Variants in DRAM1 observed in about 807,000 individuals in gnomAD.
DRAM1 encodes the protein DNA damage-regulated autophagy modulator protein 1.
DRAM1 carries 25 observed loss-of-function variants against 28.5 expected under a neutral mutation model. The observed-to-expected ratio is 0.88, with a 90% CI of 0.64 to 1.23. The LOEUF is 1.23. DRAM1 is among the 50% of genes most tolerant of loss of function. The pLI is 0.00. For synonymous variants in DRAM1, 113 were observed against 114.2 expected, an observed-to-expected ratio of 0.99 and a Z score of 0.07; for missense variants, 249 against 299.2, an observed-to-expected ratio of 0.83 and a Z score of 1.24.
chr12:101,895,248 G>A (rs1399766548), intron 1 of DRAM1, among the ~76,000 whole-genome samples: 1 of 122,906 alleles, frequency 8.1e-6, no homozygotes, highest in Non-Finnish European at 1.6e-5. Context: ...CGTGATCTCA[G>A]CTCACTGCAA....
At position 101,921,968 on chromosome 12, in the gene DRAM1, G is replaced by T. The variant is rs7135515; in HGVS notation, c.*708G>T. The T allele has an allele frequency of 0.19, 29,483 of 152,080 alleles. 3,293 individuals carry two copies. The highest frequency in any genetic ancestry group is 0.31 in the African/African-American group (12,703 of 41,442). 9.4% of individuals were successfully genotyped at this position (152,080 alleles called of 1,614,324 possible). On this transcript the variant is annotated 3_prime_UTR_variant, in exon 7 of 7. Transcript: ENST00000258534. ...TGCTCTTGCTGCTAATTGCCCATTC[G>T]TAGTGGGTGTAATGCCAGGTGGAAT...
Position 101,905,494 on chromosome 12 carries a change from T to C in DRAM1, c.343-2692T>C, listed in dbSNP as rs961560904. Among the ~76,000 whole-genome samples the C allele has an allele frequency of 4.6e-5, 7 of 152,116 alleles. No homozygotes were observed. In the East Asian group the frequency reaches 7.7e-4, roughly 17 times the overall value. ...ACAGTGTTTCACCACATTGCCCAGG[T>C]TGGTCTTGAACTCCTGAGCTCAAGT... On this transcript the variant is annotated intron_variant, in intron 3 of 6. Coordinates refer to ENST00000258534, the MANE Select transcript of DRAM1 (RefSeq NM_018370.3).
intron 5 of DRAM1, among the ~76,000 whole-genome samples, chr12:101,918,045 C>T (rs75039247): frequency 0.016 from 2,394 of 152,312 alleles, 59 homozygotes; most frequent in African/African-American, 0.055. Context: ...GTTTTCTATT[C>T]ACTCCATAAA....
At chr12:101,909,176 G>T (rs577185619) in intron 4 of DRAM1, among the ~76,000 whole-genome samples, 1 of 151,864 alleles carries the variant, frequency 6.6e-6, no homozygotes, top group African/African-American at 2.4e-5. Context: ...CAGGAGAATC[G>T]CTTGAACCCG....
At chr12:101,913,259 C>T (rs1425059335) in intron 4 of DRAM1, among the ~76,000 whole-genome samples, 2 of 152,232 alleles carry the variant, frequency 1.3e-5, no homozygotes, top group African/African-American at 4.8e-5. Context: ...TTTGCCAGAT[C>T]TTTGGTCCAG....
chr12:101,915,546 C>CCTT (rs796984340), intron 5 of DRAM1, among the ~76,000 whole-genome samples: 1 of 144,848 alleles, frequency 6.9e-6, no homozygotes, highest in African/African-American at 2.6e-5. Context: ...ACTTTGAAGA[C>CCTT]TTTTTTTTTT....
chr12:101,882,652 A>T (rs1872729688), intron 1 of DRAM1, among the ~76,000 whole-genome samples: 1 of 151,262 alleles, frequency 6.6e-6, no homozygotes, highest in Admixed American at 6.6e-5. Flanking sequence ...GCCAGTTGTG[A>T]TCTAGTGGGT....
chr12:101,917,520 G>A (rs1416836479), intron 5 of DRAM1, among the ~76,000 whole-genome samples: 3 of 143,020 alleles, frequency 2.1e-5, no homozygotes, highest in African/African-American at 7.8e-5. Flanking sequence ...AACCCTGTCT[G>A]TACTAAAAAA....
At position 101,891,447 on chromosome 12, in the gene DRAM1, T is replaced by C. The variant is rs182953527; in HGVS notation, c.132-6416T>C. ...TTTGACCAAGCTTCAGAAAGTCTTC[T>C]ATTATCCAGCATGTTTTCTTTGTAT... is the stretch of plus-strand genomic sequence containing the variant. On this transcript the variant is annotated intron_variant, in intron 1 of 6. Transcript: ENST00000258534. Among the ~76,000 whole-genome samples the C allele has an allele frequency of 3.3e-5, 5 of 152,378 alleles. No homozygotes were observed. In the East Asian group the frequency reaches 9.6e-4, roughly 29 times the overall value.
At chr12:101,908,151 C>T (rs1332225235) in intron 3 of DRAM1, 35 bp from the exon 4 acceptor site, 4 of 1,567,898 alleles carry the variant, frequency 2.6e-6, no homozygotes, top group Middle Eastern at 2.0e-4. Flanking sequence ...GACAAACCCA[C>T]CCAGAGTAAC....
At position 101,914,154 on chromosome 12, in the gene DRAM1, T is replaced by G; in HGVS notation, c.521-20T>G. On this transcript the variant is annotated intron_variant, in intron 4 of 6. Transcript: ENST00000258534. ...GAACTGTTGTGTGCTGTAGTTTCCT[T>G]AACTGTTTACTTCTTTCAGTGATTG... The G allele has an allele frequency of 6.3e-7, 1 of 1,583,400 alleles. No individual in the cohort carries two copies. The highest frequency in any genetic ancestry group is 1.4e-5 in the African/African-American group (1 of 74,016).
intron 3 of DRAM1, among the ~76,000 whole-genome samples, chr12:101,902,267 T>G (rs748091819): frequency 6.6e-6 from 1 of 152,230 alleles, no homozygotes; most frequent in Non-Finnish European, 1.5e-5. Flanking sequence ...CCTTGTAAGA[T>G]AGGCACTATT....
chr12:101,911,230 G>A (rs183131920), intron 4 of DRAM1, among the ~76,000 whole-genome samples: 5 of 152,094 alleles, frequency 3.3e-5, no homozygotes, highest in South Asian at 4.2e-4. Context: ...GTGAGACTCC[G>A]TCTCAAAAAA....
rs1164963155 is a variant in DRAM1, at chr12:101,900,329, G to A, written c.200-962G>A. The stretch of plus-strand genomic sequence containing the variant: ...TGGAATAGAAACACAAAACGCAGAA[G>A]AATTGATAGATATGAGTAGATTAAA... On this transcript the variant is annotated intron_variant, in intron 2 of 6. Transcript: ENST00000258534. 6.6e-5 allele frequency among the ~76,000 whole-genome samples: 10 copies of A among 152,238 alleles called. No individual in the cohort carries two copies. The East Asian group carries it at 1.9e-3, about 29-fold the overall frequency.
At position 101,920,170 on chromosome 12, in the gene DRAM1, T is replaced by C. The variant is rs776923889; in HGVS notation, c.641T>C (p.Phe214Ser). The C allele has an allele frequency of 4.3e-6, 7 of 1,612,144 alleles. No individual in the cohort carries two copies. The African/African-American group carries it at 9.3e-5, about 21-fold the overall frequency. Residue 214 changes from phenylalanine (F) to serine (S), a missense_variant, in exon 6 of 7, where the codon TTC becomes TCC. This residue lies in a region of DRAM1 where 15 missense variants were observed against 39.9 expected (regional missense o/e 0.38). Transcript: ENST00000258534. ...TGGACAGTGGCCTTTGGTTTTATTT[T>C]CTACTTCCTAACTTTCATCCAAGAT... The part of the protein sequence containing the change: ...CEWTVAFGFI[F>S]YFLTFIQDFQ...
rs1372490429 is a variant in DRAM1, at chr12:101,895,186, G to GTTTGTT, written c.132-2674_132-2673insGTTTTT. On this transcript the variant is annotated intron_variant, in intron 1 of 6. Coordinates refer to ENST00000258534, the MANE Select transcript of DRAM1 (RefSeq NM_018370.3). The stretch of plus-strand genomic sequence containing the variant: ...TAATGCTAAATTCGAAACCCTTCAG[G>GTTTGTT]TTTTTTTTTTTTTTTTTTTTTTTTT... Among the ~76,000 whole-genome samples, 162 of 75,732 alleles carry GTTTGTT rather than the reference G, an allele frequency of 2.1e-3. 9 individuals are homozygous for GTTTGTT. Among genetic ancestry groups the GTTTGTT allele is most frequent in the African/African-American group, 8.6e-3 (155 of 18,078 alleles). 49.7% of individuals were successfully genotyped at this position (75,732 alleles called of 152,430 possible).
chr12:101,879,151 C>T (rs1282334969), intron 1 of DRAM1, among the ~76,000 whole-genome samples: 1 of 152,120 alleles, frequency 6.6e-6, no homozygotes, highest in African/African-American at 2.4e-5. Flanking sequence ...TGCACCACCA[C>T]ACCTGGCTTA....
chr12:101,903,926 T>TACAC (rs775764624), intron 3 of DRAM1, among the ~76,000 whole-genome samples: 5,283 of 135,968 alleles, frequency 0.039, 245 homozygotes, highest in East Asian at 0.23. Flanking sequence ...CACACACACA[T>TACAC]ACACACACAC....
At position 101,894,748 on chromosome 12, in the gene DRAM1, C is replaced by T. The variant is rs112401287; in HGVS notation, c.132-3115C>T. ...CAGAGCACCTAGAGCACCTTCATAT[C>T]GCCACCTCCCTATCTTCCTAAATAT... is the stretch of plus-strand genomic sequence containing the variant. On this transcript the variant is annotated intron_variant, in intron 1 of 6. Transcript: ENST00000258534. Among the ~76,000 whole-genome samples, 912 of 152,294 alleles carry T rather than the reference C, an allele frequency of 6.0e-3. 8 individuals are homozygous for T. Among genetic ancestry groups the T allele is most frequent in the African/African-American group, 0.02 (848 of 41,560 alleles).
Sources: allele counts gnomAD v4.1 joint callset (sites outside exome capture counted in the v4.1 genomes callset), GRCh38; gene constraint gnomAD v4.1.1; regional missense constraint gnomAD v4.1.1; transcripts MANE v1.5; gene names NCBI Gene and HGNC (gene_info 2026-07-23, HGNC 2026-07-21).